Variants in USP14 observed in about 807,000 individuals in gnomAD.
USP14 encodes the protein ubiquitin specific peptidase 14.
Under a neutral mutation model 76.5 loss-of-function variants are expected in USP14, and 38 were observed. The ratio of observed to expected loss-of-function variants is 0.50; its 90% CI spans 0.38 to 0.65. The LOEUF (loss-of-function observed/expected upper bound fraction) is 0.65, where lower values mean the gene tolerates loss of function less well. Among genes scored for constraint, USP14 ranks in the 30% least tolerant of loss-of-function variants. The pLI is 0.00. For synonymous variants in USP14, 192 were observed against 191.7 expected (o/e 1.00, Z -0.01); for missense variants, 467 against 586.5 (o/e 0.80, Z 2.10).
chr18:208,192 G>A (rs1429948461), intron 13 of USP14, among the ~76,000 whole-genome samples: 1 of 151,598 alleles, frequency 6.6e-6, no homozygotes, highest in Non-Finnish European at 1.5e-5. Flanking sequence ...CATAGATATA[G>A]GGCTATTCAA....
At chr18:175,391 T>C (rs1372660120) in intron 3 of USP14, among the ~76,000 whole-genome samples, 2 of 152,208 alleles carry the variant, frequency 1.3e-5, no homozygotes, top group Admixed American at 1.3e-4. Context: ...TGGTAGTTTA[T>C]AGATGTTCAT....
At chr18:166,926 C>T (rs1270324392) in intron 3 of USP14, 107 bp downstream of exon 3, 1 of 952,182 alleles carries the variant, frequency 1.1e-6, no homozygotes, top group African/African-American at 1.6e-5. Context: ...TGTTCCAGCA[C>T]TATCTGTTGA....
Position 209,998 on chromosome 18 carries a change from G to T in USP14, c.1192G>T (p.Glu398Ter). Residue 398 changes from glutamate (E) to a stop codon, truncating the protein, a stop_gained, in exon 14 of 16, where the codon GAA becomes TAA. Coordinates refer to ENST00000261601, the MANE Select transcript of USP14 (RefSeq NM_005151.4). LOFTEE classifies it high-confidence loss of function. ...TSDKKSSPQK[E>*]VKYEPFSFAD... ...TGACAAAAAGAGTAGTCCCCAGAAA[G>T]AAGTTAAGTATGAACCCTTTTCTTT... 6.2e-7 allele frequency: 1 copy of T among 1,607,472 alleles called. No homozygotes were observed. The highest frequency in any genetic ancestry group is 8.5e-7 in the Non-Finnish European group (1 of 1,177,644).
In USP14 at chr18:165,971, G is replaced by T. The variant is rs893156863; in HGVS notation, c.163-816G>T. Among the ~76,000 whole-genome samples the T allele has an allele frequency of 7.3e-5, 11 of 151,480 alleles. 1 individual carries two copies. Among genetic ancestry groups the T allele is most frequent in the Admixed American group, 5.9e-4 (9 of 15,154 alleles). ...GAGGGGAAAGGCCTAGCTGTAGTTA[G>T]TAAAAATATTACTCTGGACTAATCA... On this transcript the variant is annotated intron_variant, in intron 2 of 15. Coordinates refer to ENST00000261601, the MANE Select transcript of USP14 (RefSeq NM_005151.4).
In USP14 at chr18:213,640, T is replaced by TAAGA. The variant is rs1476409857; in HGVS notation, c.*2357_*2360dup. 6.6e-6 allele frequency: 1 copy of TAAGA among 152,594 alleles called. No homozygotes were observed. Among genetic ancestry groups the TAAGA allele is most frequent in the African/African-American group, 2.4e-5 (1 of 41,442 alleles). 9.5% of individuals were successfully genotyped at this position (152,594 alleles called of 1,614,324 possible). A position where few individuals can be genotyped will look rare whatever the true frequency, so the allele number is the denominator to read the frequency against. On this transcript the variant is annotated 3_prime_UTR_variant, in exon 16 of 16. Transcript: ENST00000261601. ...CTTGACTGACTAGCTAGGTTAGGCCTAAGAGTGTTTACCGAATAATCTGCA... is the reference window on the plus strand; with the variant it reads ...CTTGACTGACTAGCTAGGTTAGGCCTAAGAAAGAGTGTTTACCGAATAATCTGCA...
rs1191845472 is a variant in USP14 at position 158,797 on chromosome 18, C to G, written c.16+83C>G. The G allele has an allele frequency of 3.8e-6, 5 of 1,304,258 alleles. No individual in the cohort carries two copies. The African/African-American group carries it at 6.2e-5, about 16-fold the overall frequency. 80.8% of individuals were successfully genotyped at this position (1,304,258 alleles called of 1,614,324 possible). ...AGGCCTGGCCTGCACGGGCGGGCAC[C>G]CGGCATGGACTGGGAGGGGCCGGGG... On this transcript the variant is annotated intron_variant, in intron 1 of 15. Coordinates refer to ENST00000261601, the MANE Select transcript of USP14 (RefSeq NM_005151.4).
chr18:187,816 G>C (rs141000686), intron 5 of USP14, among the ~76,000 whole-genome samples: 1 of 152,116 alleles, frequency 6.6e-6, no homozygotes, highest in East Asian at 1.9e-4. Context: ...AAATTTTAAT[G>C]TAGTTTTTAT....
chr18:158,568 G>C lies in USP14; in HGVS notation c.-131G>C, dbSNP rs1010114491. On this transcript the variant is annotated 5_prime_UTR_variant, in exon 1 of 16. Coordinates refer to ENST00000261601, the MANE Select transcript of USP14 (RefSeq NM_005151.4). The stretch of plus-strand genomic sequence containing the variant: ...CCAGTGGCCGGTTTGAATGAGACTC[G>C]TCGCACCGAAGCCGCCGCCACCACC... 1 of 917,482 alleles carries C rather than the reference G, an allele frequency of 1.1e-6. No individual in the cohort carries two copies. The allele number at this position is 917,482 out of a possible 1,614,324, so 56.8% of individuals were successfully genotyped here. A position where few individuals can be genotyped will look rare whatever the true frequency, so the allele number is the denominator to read the frequency against.
rs1481314605 is a variant in USP14, at chr18:210,488, A to T, written c.1328A>T (p.Lys443Ile). 1 of 1,594,880 alleles carries T rather than the reference A, an allele frequency of 6.3e-7. No individual in the cohort carries two copies. The highest frequency in any genetic ancestry group is 1.7e-5 in the Admixed American group (1 of 59,330). Reference sequence around the variant, plus strand: ...CATTATGTATCATGGGTGAAAAGGAAACAAGGTAAAGGGTATTCTTTTTTC... The same window carrying T: ...CATTATGTATCATGGGTGAAAAGGATACAAGGTAAAGGGTATTCTTTTTTC... Reference protein sequence around the residue: ...SGHYVSWVKRKQDEWIKFDDD... With the variant: ...SGHYVSWVKRIQDEWIKFDDD... Residue 443 changes from lysine (K) to isoleucine (I), a missense_variant, in exon 15 of 16, where the codon AAA becomes ATA. Transcript: ENST00000261601.
chr18:158,799 G>A (rs1404875689), intron 1 of USP14, 85 bp downstream of exon 1: 12 of 1,302,836 alleles, frequency 9.2e-6, no homozygotes, highest in African/African-American at 1.5e-5. Context: ...GCGGGCACCC[G>A]GCATGGACTG....
rs186042559 is a variant in USP14 at position 200,714 on chromosome 18, A to G, written c.876+1398A>G. Among the ~76,000 whole-genome samples, 4 of 152,304 alleles carry G rather than the reference A, an allele frequency of 2.6e-5. No homozygotes were observed. In the East Asian group the frequency reaches 5.8e-4, roughly 22 times the overall value. On this transcript the variant is annotated intron_variant, in intron 10 of 15. Transcript: ENST00000261601. The stretch of plus-strand genomic sequence containing the variant: ...GAAGGATCTCCCCATTTGAACTGAT[A>G]CCTTTTAATAGTTTTCAAATTATAG...
At position 178,938 on chromosome 18, in the gene USP14, G is replaced by T. The variant is rs1909704965; in HGVS notation, c.201G>T (p.Met67Ile). ...DWGNIKIKNG[M>I]TLLMMGSADA... is the part of the protein sequence containing the mutation. ...ATTACTTTTTTTAAAAACAGGGAAT[G>T]ACTCTACTAATGATGGGGTCAGCAG... is the stretch of plus-strand genomic sequence containing the variant. The change falls in exon 4 of 16, where the codon ATG becomes ATT. Residue 67 changes from methionine to isoleucine, a missense_variant. Transcript: ENST00000261601. The T allele has an allele frequency of 1.9e-6, 3 of 1,604,730 alleles. No homozygotes were observed. Among genetic ancestry groups the T allele is most frequent in the African/African-American group, 1.3e-5 (1 of 74,392 alleles).
chr18:172,237 C>T (rs185762502), intron 3 of USP14, among the ~76,000 whole-genome samples: 237 of 152,074 alleles, frequency 1.6e-3, no homozygotes, highest in Middle Eastern at 3.4e-3. Context: ...GACCCTGTAT[C>T]TAAAAAACGA....
intron 2 of USP14, among the ~76,000 whole-genome samples, chr18:165,160 G>A (rs1909233416): frequency 6.6e-6 from 1 of 152,018 alleles, no homozygotes; most frequent in Admixed American, 6.6e-5. Flanking sequence ...TGTTGGCGCT[G>A]GTCTCGAACT....
At chr18:171,025 A>ATATATATATATATAGATAGATATATAT in intron 3 of USP14, among the ~76,000 whole-genome samples, 1 of 47,652 alleles carries the variant, frequency 2.1e-5, no homozygotes, top group East Asian at 9.2e-4. Context: ...AAAAAAAAAA[A>ATATATATATATATAGATAGATATATAT]ATATATATAT....
intron 5 of USP14, among the ~76,000 whole-genome samples, chr18:180,694 G>A (rs1049199778): frequency 3.9e-5 from 6 of 152,070 alleles, no homozygotes; most frequent in Non-Finnish European, 5.9e-5. Flanking sequence ...GCCTTTTTGC[G>A]GCTAACTTCT....
chr18:197,469 T>C (rs76588552), intron 7 of USP14, 147 bp from the exon 8 acceptor site: 1 of 609,820 alleles, frequency 1.6e-6, no homozygotes, highest in African/African-American at 1.8e-5. Context: ...GAATGCTTTA[T>C]TTTTTGGAAG....
chr18:190,556 T>C (rs1910058793), intron 5 of USP14, among the ~76,000 whole-genome samples: 1 of 152,156 alleles, frequency 6.6e-6, no homozygotes, highest in Non-Finnish European at 1.5e-5. Flanking sequence ...TCACTATGGG[T>C]AAGGATTGTG....
chr18:171,025 A>AAAAAAATATATATATAT (rs1327304974), intron 3 of USP14, among the ~76,000 whole-genome samples: 25 of 47,622 alleles, frequency 5.2e-4, no homozygotes, highest in African/African-American at 1.7e-3. Flanking sequence ...AAAAAAAAAA[A>AAAAAAATATATATATAT]ATATATATAT....
Sources: gnomAD v4.1 joint callset for allele counts (sites outside exome capture counted in the v4.1 genomes callset) on GRCh38, gnomAD v4.1.1 for gene constraint, MANE v1.5 for transcripts, NCBI Gene and HGNC (gene_info 2026-07-23, HGNC 2026-07-21) for gene names.